DHDDS: variants seen among roughly 807,000 people sequenced by gnomAD.
The protein encoded by DHDDS is dehydrodolichyl diphosphate synthase complex subunit DHDDS.
DHDDS carries 16 observed loss-of-function variants against 46.2 expected under a neutral mutation model. The ratio of observed to expected loss-of-function variants is 0.35; its 90% CI spans 0.23 to 0.53. DHDDS has a LOEUF of 0.53. DHDDS is among the 20% of genes least tolerant of loss of function. The pLI is 0.94. For missense variants in DHDDS, 340 were observed against 423.7 expected, an observed-to-expected ratio of 0.80 and a Z score of 1.73; for synonymous variants, 151 against 163.1, an observed-to-expected ratio of 0.93 and a Z score of 0.56.
chr1:26,435,430 CTTTTTT>C (rs35735570), intron 2 of DHDDS, among the ~76,000 whole-genome samples: 25 of 62,544 alleles, frequency 4.0e-4, no homozygotes, highest in African/African-American at 9.2e-4. Context: ...GAATTAGTGC[CTTTTTT>C]TTTTTTTTTT....
chr1:26,452,247 T>C (rs2075328885), intron 6 of DHDDS, among the ~76,000 whole-genome samples: 1 of 151,992 alleles, frequency 6.6e-6, no homozygotes, highest in African/African-American at 2.4e-5. Context: ...CTTGCCATGT[T>C]GTCCAGGCTG....
At chr1:26,441,500 A>G (rs1335161200) in intron 3 of DHDDS, among the ~76,000 whole-genome samples, 1 of 151,974 alleles carries the variant, frequency 6.6e-6, no homozygotes, top group East Asian at 1.9e-4. Flanking sequence ...ACACCCAGCC[A>G]GTTTCATTTC....
intron 4 of DHDDS, among the ~76,000 whole-genome samples, chr1:26,446,057 C>G (rs767849372): frequency 6.6e-5 from 10 of 152,170 alleles, no homozygotes; most frequent in Non-Finnish European, 8.8e-5. Context: ...ATCAGACAAA[C>G]TGGGTTTCAA....
At chr1:26,468,231 G>C (rs1247339313) in intron 8 of DHDDS, among the ~76,000 whole-genome samples, 1 of 152,114 alleles carries the variant, frequency 6.6e-6, no homozygotes, top group Non-Finnish European at 1.5e-5. Context: ...TGTTCATAGG[G>C]GGGTCATTTG....
intron 6 of DHDDS, among the ~76,000 whole-genome samples, chr1:26,451,261 G>A (rs533209496): frequency 6.6e-6 from 1 of 152,204 alleles, no homozygotes; most frequent in South Asian, 2.1e-4. Flanking sequence ...TATATTATTC[G>A]AATTTAGACA....
At chr1:26,449,088 ATTTTTAT>A (rs1201592902) in intron 6 of DHDDS, among the ~76,000 whole-genome samples, 46 of 151,642 alleles carry the variant, frequency 3.0e-4, no homozygotes, top group Admixed American at 2.9e-3. Flanking sequence ...TTATTTATTT[ATTTTTAT>A]TTTTTATTTT....
chr1:26,447,936 A>C, intron 6 of DHDDS: 1 of 588,924 alleles, frequency 1.7e-6, no homozygotes, highest in Non-Finnish European at 3.0e-6. Flanking sequence ...ATTTAAGGGG[A>C]TCTCCCAAAT....
chr1:26,450,117 AAG>A (rs982483640), intron 6 of DHDDS, among the ~76,000 whole-genome samples: 4 of 152,120 alleles, frequency 2.6e-5, no homozygotes, highest in Non-Finnish European at 5.9e-5. Flanking sequence ...AACTTGAGCA[AAG>A]AGGGGATGAG....
chr1:26,471,013 G>C lies in DHDDS; in HGVS notation c.*1882G>C, dbSNP rs561383068. 1 of 152,434 alleles carries C rather than the reference G, an allele frequency of 6.6e-6. No homozygotes were observed. The highest frequency in any genetic ancestry group is 6.5e-5 in the Admixed American group (1 of 15,294). The allele number at this position is 152,434 out of a possible 1,614,324, so 9.4% of individuals were successfully genotyped here. A position where few individuals can be genotyped will look rare whatever the true frequency, so the allele number is the denominator to read the frequency against. On this transcript the variant is annotated 3_prime_UTR_variant, in exon 9 of 9. Transcript: ENST00000236342. Reference sequence around the variant, plus strand: ...GCCTGAGGTTCTGTATTCTGGGAAAGGTACACAGGGTGGAGTAGGGAGAAG... The same window carrying C: ...GCCTGAGGTTCTGTATTCTGGGAAACGTACACAGGGTGGAGTAGGGAGAAG...
At chr1:26,452,869 C>T (rs1053491917) in intron 6 of DHDDS, among the ~76,000 whole-genome samples, 2 of 152,092 alleles carry the variant, frequency 1.3e-5, no homozygotes, top group Non-Finnish European at 2.9e-5. Context: ...GAGGCTGAGG[C>T]AGGAAAATCG....
chr1:26,436,018 G>A (rs1277265047), intron 2 of DHDDS, among the ~76,000 whole-genome samples: 2 of 151,966 alleles, frequency 1.3e-5, no homozygotes, highest in African/African-American at 4.8e-5. Flanking sequence ...CCAAAGTGCT[G>A]GGATTACAGA....
intron 1 of DHDDS, 56 bp from the exon 2 acceptor site, chr1:26,432,835 G>T: frequency 1.8e-6 from 2 of 1,120,722 alleles, no homozygotes; most frequent in South Asian, 2.6e-5. Flanking sequence ...CCAGAAGTCA[G>T]TTATAGCTCT....
chr1:26,464,448 A>G (rs1452266138), intron 8 of DHDDS, among the ~76,000 whole-genome samples: 1 of 152,206 alleles, frequency 6.6e-6, no homozygotes, highest in Non-Finnish European at 1.5e-5. Context: ...CAAGGAATCC[A>G]AAGTTATAAT....
At chr1:26,468,783 C>G in intron 8 of DHDDS, 112 bp from the exon 9 acceptor site, 1 of 1,433,720 alleles carries the variant, frequency 7.0e-7, no homozygotes. Flanking sequence ...CTACTTTCCA[C>G]TGTTCCACTT....
intron 8 of DHDDS, chr1:26,463,240 C>T (rs1009112227): frequency 6.6e-6 from 1 of 152,044 alleles, no homozygotes; most frequent in Non-Finnish European, 1.5e-5. Flanking sequence ...GGATGCGCCT[C>T]GAGGTAGGGT....
intron 5 of DHDDS, 56 bp from the exon 6 acceptor site, chr1:26,447,503 T>C: frequency 7.0e-7 from 1 of 1,420,850 alleles, no homozygotes; most frequent in South Asian, 1.2e-5. Context: ...AATCAGTGAC[T>C]TCAATCATCA....
At chr1:26,446,222 C>T (rs1218893830) in intron 4 of DHDDS, 94 bp from the exon 5 acceptor site, 2 of 1,050,382 alleles carry the variant, frequency 1.9e-6, no homozygotes, top group East Asian at 2.4e-5. Context: ...CAGGAAAGCA[C>T]TCAAAAAACT....
At chr1:26,439,199 G>A (rs906592195) in intron 3 of DHDDS, among the ~76,000 whole-genome samples, 11 of 152,294 alleles carry the variant, frequency 7.2e-5, no homozygotes, top group African/African-American at 2.4e-4. Context: ...CCAAAGTGCT[G>A]GGATTACAGG....
Position 26,469,609 on chromosome 1 carries a change from A to G in DHDDS, c.*478A>G, listed in dbSNP as rs553705354. 1 of 236,556 alleles carries G rather than the reference A, an allele frequency of 4.2e-6. No homozygotes were observed. Among genetic ancestry groups the G allele is most frequent in the South Asian group, 5.6e-5 (1 of 17,910 alleles). 14.7% of individuals were successfully genotyped at this position (236,556 alleles called of 1,614,324 possible). A position where few individuals can be genotyped will look rare whatever the true frequency, so the allele number is the denominator to read the frequency against. On this transcript the variant is annotated 3_prime_UTR_variant, in exon 9 of 9. Coordinates refer to ENST00000236342, the MANE Select transcript of DHDDS (RefSeq NM_205861.3). ...GCAGGCAGTTATTTGGGTAAGGAAAAAAGGGGTGGGAGAGACAGAAAATTT... is the reference window on the plus strand; with the variant it reads ...GCAGGCAGTTATTTGGGTAAGGAAAGAAGGGGTGGGAGAGACAGAAAATTT...
Sources: gnomAD v4.1 joint callset for allele counts (sites outside exome capture counted in the v4.1 genomes callset) on GRCh38, gnomAD v4.1.1 for gene constraint, MANE v1.5 for transcripts, NCBI Gene and HGNC (gene_info 2026-07-23, HGNC 2026-07-21) for gene names.